The following SNX5 variants were observed in gnomAD, a reference collection of about 807,000 sequenced individuals.
SNX5 encodes the protein sorting nexin 5, also known as sorting nexin-5.
A neutral mutation model predicts 53.9 loss-of-function variants in SNX5; 31 were observed. The ratio of observed to expected loss-of-function variants is 0.58; its 90% CI spans 0.43 to 0.78. The LOEUF (loss-of-function observed/expected upper bound fraction) is 0.78. SNX5 is among the 30% of genes least tolerant of loss of function. The pLI is 0.00. For missense variants in SNX5, 471 were observed against 478.8 expected, an observed-to-expected ratio of 0.98 and a Z score of 0.15; for synonymous variants, 168 against 171.1, an observed-to-expected ratio of 0.98 and a Z score of 0.14.
intron 5 of SNX5, 90 bp from the exon 6 acceptor site, chr20:17,951,685 C>A: frequency 1.1e-6 from 1 of 880,822 alleles, no homozygotes; most frequent in Non-Finnish European, 1.9e-6. Context: ...AAGTAATCCT[C>A]TTTATCAGTA....
chr20:17,962,469 C>T (rs575228566), intron 1 of SNX5, among the ~76,000 whole-genome samples: 1 of 152,152 alleles, frequency 6.6e-6, no homozygotes, highest in Admixed American at 6.5e-5. Flanking sequence ...TCCCAAAGTC[C>T]TGGGATTATA....
chr20:17,951,421 G>GT (rs2039566015), intron 6 of SNX5, 79 bp downstream of exon 6: 1 of 821,800 alleles, frequency 1.2e-6, no homozygotes, highest in Non-Finnish European at 2.1e-6. Flanking sequence ...TGTTTCACAA[G>GT]TATCTCTTTC....
intron 1 of SNX5, among the ~76,000 whole-genome samples, chr20:17,966,910 AAAAT>A (rs1260552784): frequency 6.6e-6 from 1 of 152,222 alleles, no homozygotes; most frequent in African/African-American, 2.4e-5. Context: ...TCAGAAAACA[AAAAT>A]AAAGCCACGC....
In SNX5 at chr20:17,951,566, C is replaced by G; in HGVS notation, c.543G>C (p.Glu181Asp). 6.2e-7 allele frequency: 1 copy of G among 1,611,582 alleles called. No individual in the cohort carries two copies. Among genetic ancestry groups the G allele is most frequent in the Non-Finnish European group, 8.5e-7 (1 of 1,178,666 alleles). The change falls in exon 6 of 13, where the codon GAG (glutamate) becomes GAC (aspartate). Residue 181 changes from glutamate to aspartate, a missense_variant. Physicochemically the swap from Glu to Asp is conservative, Grantham distance 45 (BLOSUM62 2). Transcript: ENST00000377759. ...CACTTTTGAAGAAGCCACCAAACAT[C>G]TCTTTAGTATTTTTCCGCCTAACAC... ...DLSVRRKNTK[E>D]MFGGFFKSVV...
At chr20:17,960,771 C>CAAA (rs571474077) in intron 1 of SNX5, among the ~76,000 whole-genome samples, 10 of 92,794 alleles carry the variant, frequency 1.1e-4, no homozygotes, top group African/African-American at 2.6e-4. Flanking sequence ...AGCGAGTCTC[C>CAAA]AAAAAAAAAA....
At chr20:17,960,782 A>C (rs1441572622) in intron 1 of SNX5, among the ~76,000 whole-genome samples, 1 of 151,926 alleles carries the variant, frequency 6.6e-6, no homozygotes, top group Admixed American at 6.6e-5. Context: ...AAAAAAAAAA[A>C]AAAAAACTAC....
At chr20:17,954,307 G>T in intron 3 of SNX5, 190 bp from the exon 4 acceptor site, 1 of 793,782 alleles carries the variant, frequency 1.3e-6, no homozygotes, top group Non-Finnish European at 1.9e-6. Flanking sequence ...GTGTCTTCCT[G>T]AGAGTTGCAT....
At chr20:17,950,617 TAAC>T (rs1166625491) in intron 6 of SNX5, among the ~76,000 whole-genome samples, 2 of 152,300 alleles carry the variant, frequency 1.3e-5, no homozygotes, top group African/African-American at 4.8e-5. Flanking sequence ...AAGAATCACT[TAAC>T]AACCACCAGT....
intron 1 of SNX5, chr20:17,961,243 C>T (rs1456884244): frequency 1.9e-5 from 19 of 985,294 alleles, no homozygotes; most frequent in Non-Finnish European, 2.3e-5. Context: ...CACTTTTGGT[C>T]CAAATTTCAC....
chr20:17,968,726 C>A lies in SNX5; in HGVS notation c.-301G>T. 1 of 410,740 alleles carries A rather than the reference C, an allele frequency of 2.4e-6. No homozygotes were observed. The highest frequency in any genetic ancestry group is 4.5e-6 in the Non-Finnish European group (1 of 221,846). The allele number at this position is 410,740 out of a possible 1,614,324, so 25.4% of individuals were successfully genotyped here. A position where few individuals can be genotyped will look rare whatever the true frequency, so the allele number is the denominator to read the frequency against. ...CTTGCTCCGCTCCACGAGGAGGCCG[C>A]CAACCGCAGGGCCGCGACACGGACG... On this transcript the variant is annotated 5_prime_UTR_variant, in exon 1 of 13. Coordinates refer to ENST00000377759, the MANE Select transcript of SNX5 (RefSeq NM_014426.4).
chr20:17,951,550 A>G lies in SNX5; in HGVS notation c.559T>C (p.Phe187Leu). The change falls in exon 6 of 13, where the codon TTC (phenylalanine) becomes CTC (leucine). Residue 187 changes from phenylalanine to leucine, a missense_variant. By Grantham distance (22) the Phe-to-Leu change is conservative (BLOSUM62 0). Coordinates refer to ENST00000377759, the MANE Select transcript of SNX5 (RefSeq NM_014426.4). ...TCAGCACTTTTCACCACACTTTTGA[A>G]GAAGCCACCAAACATCTCTTTAGTA... ...KNTKEMFGGF[F>L]KSVVKSADEV... The G allele has an allele frequency of 6.2e-7, 1 of 1,612,530 alleles. No homozygotes were observed. The highest frequency in any genetic ancestry group is 8.5e-7 in the Non-Finnish European group (1 of 1,179,776).
intron 1 of SNX5, among the ~76,000 whole-genome samples, chr20:17,957,886 C>T (rs1458810793): frequency 6.6e-6 from 1 of 151,904 alleles, no homozygotes; most frequent in African/African-American, 2.4e-5. Flanking sequence ...TTAGCACAAT[C>T]CCACTGTGGT....
chr20:17,955,474 G>C lies in SNX5; in HGVS notation c.158C>G (p.Thr53Ser), dbSNP rs769618774. ...TGGGCTCTGAAACGTGGGCAGTGTG[G>C]TCTGTAAAGAAAGAAAGAAGTTAAC... Reference protein sequence around the residue: ...DKVKFTVHTKTTLPTFQSPEF... With the variant: ...DKVKFTVHTKSTLPTFQSPEF... The change falls in exon 3 of 13, where the codon ACC becomes AGC. Residue 53 changes from threonine (T) to serine (S), a missense_variant and splice_region_variant. Thr to Ser is a moderately conservative substitution (Grantham distance 58). Transcript: ENST00000377759. 8 of 1,612,228 alleles carry C rather than the reference G, an allele frequency of 5.0e-6. No homozygotes were observed. The highest frequency in any genetic ancestry group is 6.8e-6 in the Non-Finnish European group (8 of 1,178,526).
In SNX5 at chr20:17,948,904, T is replaced by C. The variant is rs377697187; in HGVS notation, c.904A>G (p.Ile302Val). The C allele has an allele frequency of 1.2e-6, 2 of 1,611,934 alleles. No individual in the cohort carries two copies. The highest frequency in any genetic ancestry group is 2.7e-5 in the African/African-American group (2 of 74,882). The change falls in exon 10 of 13, where the codon ATT (isoleucine) becomes GTT (valine). Residue 302 changes from isoleucine (I) to valine (V), a missense_variant. By Grantham distance (29) the Ile-to-Val change is conservative. Coordinates refer to ENST00000377759, the MANE Select transcript of SNX5 (RefSeq NM_014426.4). Reference protein sequence around the residue: ...TELLRYYMLNIEAAKDLLYRR... With the variant: ...TELLRYYMLNVEAAKDLLYRR... The stretch of plus-strand genomic sequence containing the variant: ...TCTCTTCCTACCTTAGCAGCTTCAA[T>C]GTTGAGCATGTAGTATCGGAGGAGC...
At chr20:17,959,769 ACT>A (rs1354835054) in intron 1 of SNX5, among the ~76,000 whole-genome samples, 2 of 152,132 alleles carry the variant, frequency 1.3e-5, no homozygotes, top group African/African-American at 2.4e-5. Flanking sequence ...CAGCATTTGT[ACT>A]CTCACTCGGG....
intron 1 of SNX5, among the ~76,000 whole-genome samples, chr20:17,958,292 T>C (rs1365920028): frequency 6.6e-6 from 1 of 152,204 alleles, no homozygotes; most frequent in Non-Finnish European, 1.5e-5. Context: ...ACTCCAAATT[T>C]CCCTTTGGGT....
intron 1 of SNX5, among the ~76,000 whole-genome samples, chr20:17,966,747 C>A (rs1309836904): frequency 6.6e-6 from 1 of 152,162 alleles, no homozygotes; most frequent in Non-Finnish European, 1.5e-5. Flanking sequence ...AGGTAACACA[C>A]AAAACATTTC....
chr20:17,946,254 T>C (rs910365903), intron 11 of SNX5, among the ~76,000 whole-genome samples: 5 of 152,226 alleles, frequency 3.3e-5, no homozygotes, highest in African/African-American at 4.8e-5. Context: ...ATACATTTCC[T>C]AGCTCAGTCC....
rs1600369230 is a variant in SNX5 at position 17,968,723 on chromosome 20, C to T, written c.-298G>A. On this transcript the variant is annotated 5_prime_UTR_variant, in exon 1 of 13. Transcript: ENST00000377759. Reference sequence around the variant, plus strand: ...ACCCTTGCTCCGCTCCACGAGGAGGCCGCCAACCGCAGGGCCGCGACACGG... The same window carrying T: ...ACCCTTGCTCCGCTCCACGAGGAGGTCGCCAACCGCAGGGCCGCGACACGG... 1 of 431,824 alleles carries T rather than the reference C, an allele frequency of 2.3e-6. No individual in the cohort carries two copies. Among genetic ancestry groups the T allele is most frequent in the Admixed American group, 4.2e-5 (1 of 23,840 alleles). 26.7% of individuals were successfully genotyped at this position (431,824 alleles called of 1,614,324 possible).
Sources: gnomAD v4.1 joint callset for allele counts (sites outside exome capture counted in the v4.1 genomes callset) on GRCh38, gnomAD v4.1.1 for gene constraint, MANE v1.5 for transcripts, NCBI Gene and HGNC (gene_info 2026-07-23, HGNC 2026-07-21) for gene names.